PKMYT1: variants seen among roughly 807,000 people sequenced by gnomAD.
The protein encoded by PKMYT1 is protein kinase, membrane associated tyrosine/threonine 1, also known as membrane-associated tyrosine- and threonine-specific cdc2-inhibitory kinase.
In PKMYT1, 35 loss-of-function variants were observed where a neutral mutation model predicts 49.7. That is an observed-to-expected ratio of 0.70 (90% CI 0.54 to 0.93). PKMYT1 has a LOEUF of 0.93. Ranked by LOEUF, PKMYT1 falls within the 40% of genes least tolerant of loss-of-function variation. The probability of loss-of-function intolerance (pLI) is 0.00; values close to 1 mark genes in which losing one functional copy is unlikely to be tolerated. For synonymous variants in PKMYT1, 331 were observed against 287.6 expected (o/e 1.15, Z -1.53); for missense variants, 677 against 673.1 (o/e 1.01, Z -0.06).
Position 2,976,706 on chromosome 16 carries a change from C to T in PKMYT1, c.336G>A (p.Arg112=). ...AGGAGCCATGGCCCAGGCGGCTGAG[C>T]CTCTGGAAGCTCTGCTGGAAGAAGG... ...PESFFQQSFQ[R]LSRLGHGSYG... is the part of the protein sequence containing the mutation. Residue 112 remains arginine, a synonymous_variant, in exon 3 of 9, where the codon AGG becomes AGA. Transcript: ENST00000262300. 1 of 1,490,188 alleles carries T rather than the reference C, an allele frequency of 6.7e-7. No homozygotes were observed. The highest frequency in any genetic ancestry group is 1.4e-5 in the South Asian group (1 of 70,238). 92.3% of individuals were successfully genotyped at this position (1,490,188 alleles called of 1,614,324 possible).
intron 2 of PKMYT1, chr16:2,979,360 AAAATT>A (rs1360425123): frequency 5.8e-6 from 2 of 345,056 alleles, no homozygotes; most frequent in East Asian, 9.1e-5. Flanking sequence ...TAGTAAATAA[AAAATT>A]AAAAAGAGCA....
At chr16:2,977,181 C>T in intron 2 of PKMYT1, 150 bp from the exon 3 acceptor site, 1 of 1,468,120 alleles carries the variant, frequency 6.8e-7, no homozygotes, top group South Asian at 1.3e-5. Context: ...TAAGCACCTA[C>T]CAAGAAAAGG....
intron 2 of PKMYT1, 100 bp from the exon 3 acceptor site, chr16:2,977,131 T>C: frequency 1.3e-6 from 2 of 1,540,810 alleles, no homozygotes; most frequent in Non-Finnish European, 1.7e-6. Flanking sequence ...GCTATGTCTA[T>C]ACCACACACT....
At position 2,976,996 on chromosome 16, in the gene PKMYT1, C is replaced by T. The variant is rs1244577916; in HGVS notation, c.46G>A (p.Gly16Ser). The change falls in exon 3 of 9, where the codon GGC becomes AGC. Residue 16 changes from glycine (G) to serine (S), a missense_variant. By Grantham distance (56) the Gly-to-Ser change is moderately conservative. Transcript: ENST00000262300. ...PALAMPMPTE[G>S]TPPPLSGTPI... ...GTGCCACTCAGAGGTGGCGGGGTGC[C>T]CTCCGTGGGCATGGGCATGGCCAGT... is the stretch of plus-strand genomic sequence containing the variant. The T allele has an allele frequency of 6.4e-7, 1 of 1,573,562 alleles. No homozygotes were observed. The highest frequency in any genetic ancestry group is 8.6e-7 in the Non-Finnish European group (1 of 1,161,826).
chr16:2,979,852 G>A lies in PKMYT1; in HGVS notation c.-195C>T, dbSNP rs1287307732. 6.4e-6 allele frequency: 4 copies of A among 627,726 alleles called. No homozygotes were observed. Among genetic ancestry groups the A allele is most frequent in the Non-Finnish European group, 1.1e-5 (4 of 353,020 alleles). 38.9% of individuals were successfully genotyped at this position (627,726 alleles called of 1,614,324 possible). ...CATCTGCTGGCCACCTTTCCCGGTA[G>A]ACGGTAAGTTCCTCCCAGGCAGGGC... On this transcript the variant is annotated 5_prime_UTR_variant, in exon 2 of 9. Coordinates refer to ENST00000262300, the MANE Select transcript of PKMYT1 (RefSeq NM_004203.5).
chr16:2,978,401 G>A (rs2072255758), intron 2 of PKMYT1, among the ~76,000 whole-genome samples: 1 of 152,140 alleles, frequency 6.6e-6, no homozygotes, highest in Non-Finnish European at 1.5e-5. Context: ...CCTGCCTGCT[G>A]TCAGAACAAA....
intron 4 of PKMYT1, 104 bp from the exon 5 acceptor site, chr16:2,974,760 T>C: frequency 1.4e-6 from 1 of 720,758 alleles, no homozygotes; most frequent in Non-Finnish European, 2.4e-6. Context: ...GCTGCTGTCT[T>C]CATCAGTCAG....
chr16:2,979,214 A>G (rs2072278456), intron 2 of PKMYT1, among the ~76,000 whole-genome samples: 1 of 152,078 alleles, frequency 6.6e-6, no homozygotes. Flanking sequence ...GCATGCCTGT[A>G]GTCCCAGCTA....
chr16:2,974,267 C>A lies in PKMYT1; in HGVS notation c.1130G>T (p.Ser377Ile), dbSNP rs1225909255. ...VLWCMAAEAL[S>I]RGWALWQALL... ...TACCTGCCACAGGGCCCACCCTCGG[C>A]TCAGGGCCTCCGCTGCCATGCACCA... The change falls in exon 6 of 9, where the codon AGC becomes ATC. Residue 377 changes from serine (S) to isoleucine (I), a missense_variant. Physicochemically the swap from Ser to Ile is moderately radical, Grantham distance 142 (BLOSUM62 -2). Transcript: ENST00000262300. The A allele has an allele frequency of 1.9e-6, 3 of 1,571,360 alleles. No individual in the cohort carries two copies. Among genetic ancestry groups the A allele is most frequent in the South Asian group, 1.2e-5 (1 of 86,742 alleles).
In PKMYT1 at chr16:2,979,814, AC is replaced by A; in HGVS notation, c.-158del. 1 of 756,078 alleles carries A rather than the reference AC, an allele frequency of 1.3e-6. No homozygotes were observed. The highest frequency in any genetic ancestry group is 2.2e-6 in the Non-Finnish European group (1 of 453,124). 46.8% of individuals were successfully genotyped at this position (756,078 alleles called of 1,614,324 possible). A position where few individuals can be genotyped will look rare whatever the true frequency, so the allele number is the denominator to read the frequency against. On this transcript the variant is annotated 5_prime_UTR_variant, in exon 2 of 9. An upstream open reading frame in the 5' UTR loses its in-frame stop. Coordinates refer to ENST00000262300, the MANE Select transcript of PKMYT1 (RefSeq NM_004203.5). ...TCGGGCCGTCTCGCCTCACCCTCTC[AC>A]CAGGCCCGACACATCTGCTGGCCAC... is the stretch of plus-strand genomic sequence containing the variant.
chr16:2,976,991 G>A lies in PKMYT1; in HGVS notation c.51C>T (p.Thr17=), dbSNP rs1203800861. The change falls in exon 3 of 9, where the codon ACC becomes ACT. Residue 17 remains threonine, a synonymous_variant. Coordinates refer to ENST00000262300, the MANE Select transcript of PKMYT1 (RefSeq NM_004203.5). ...TGGGGGTGCCACTCAGAGGTGGCGG[G>A]GTGCCCTCCGTGGGCATGGGCATGG... The part of the protein sequence containing the change: ...ALAMPMPTEG[T]PPPLSGTPIP... The A allele has an allele frequency of 1.4e-5, 22 of 1,570,610 alleles. No homozygotes were observed. Among genetic ancestry groups the A allele is most frequent in the Non-Finnish European group, 1.9e-5 (22 of 1,159,622 alleles).
At chr16:2,977,863 C>T (rs557432379) in intron 2 of PKMYT1, among the ~76,000 whole-genome samples, 10 of 152,262 alleles carry the variant, frequency 6.6e-5, no homozygotes, top group Non-Finnish European at 1.5e-4. Context: ...ACCCTCCCAG[C>T]TCCACATGGC....
At chr16:2,978,972 A>C (rs892502821) in intron 2 of PKMYT1, among the ~76,000 whole-genome samples, 9 of 151,384 alleles carry the variant, frequency 5.9e-5, no homozygotes, top group Non-Finnish European at 1.2e-4. Flanking sequence ...ACACTAGAAT[A>C]ATTTTTATAT....
chr16:2,975,678 C>T lies in PKMYT1; in HGVS notation c.513G>A (p.Val171=). ...HEKVGQHPCC[V]RLEQAWEEGG... Reference sequence around the variant, plus strand: ...CCTCCTCCCAGGCCTGCTCCAGCCGCACGCAGCATGGGTGCTGCCCCACCT... The same window carrying T: ...CCTCCTCCCAGGCCTGCTCCAGCCGTACGCAGCATGGGTGCTGCCCCACCT... The change falls in exon 4 of 9, where the codon GTG becomes GTA. Residue 171 remains valine, a synonymous_variant. Transcript: ENST00000262300. 1 of 1,610,516 alleles carries T rather than the reference C, an allele frequency of 6.2e-7. No individual in the cohort carries two copies. Among genetic ancestry groups the T allele is most frequent in the Non-Finnish European group, 8.5e-7 (1 of 1,179,868 alleles).
chr16:2,974,552 G>T lies in PKMYT1; in HGVS notation c.977C>A (p.Ala326Asp). Reference sequence around the variant, plus strand: ...CCCTCCCGCCCTCACCTACTCACCGGCAGTGAACTCAGGGGGCAGGTAGCC... The same window carrying T: ...CCCTCCCGCCCTCACCTACTCACCGTCAGTGAACTCAGGGGGCAGGTAGCC... ...RQGYLPPEFTAGLSSELRSVL... is the reference protein window; with the variant it reads ...RQGYLPPEFTDGLSSELRSVL... Residue 326 changes from alanine to aspartate, a missense_variant and splice_region_variant, in exon 5 of 9, where the codon GCC becomes GAC. By Grantham distance (126) the Ala-to-Asp change is moderately radical (BLOSUM62 -2). Transcript: ENST00000262300. 2 of 1,568,198 alleles carry T rather than the reference G, an allele frequency of 1.3e-6. No individual in the cohort carries two copies. Among genetic ancestry groups the T allele is most frequent in the East Asian group, 4.6e-5 (2 of 43,516 alleles).
rs1012928303 is a variant in PKMYT1, at chr16:2,976,908, C to T, written c.134G>A (p.Arg45Lys). The T allele has an allele frequency of 6.5e-7, 1 of 1,542,874 alleles. No individual in the cohort carries two copies. The highest frequency in any genetic ancestry group is 8.8e-7 in the Non-Finnish European group (1 of 1,140,238). The change falls in exon 3 of 9, where the codon AGG becomes AAG. Residue 45 changes from arginine to lysine, a missense_variant. By Grantham distance (26) the Arg-to-Lys change is conservative (BLOSUM62 2). Coordinates refer to ENST00000262300, the MANE Select transcript of PKMYT1 (RefSeq NM_004203.5). ...AEPGFSLKRPRGLSRSLPPPP... is the reference protein window; with the variant it reads ...AEPGFSLKRPKGLSRSLPPPP... The stretch of plus-strand genomic sequence containing the variant: ...AGGTGGGAGGCTCCGGCTGAGCCCC[C>T]TGGGCCTCTTGAGGGAGAATCCAGG...
At chr16:2,973,634 C>T (rs1019257920) in intron 7 of PKMYT1, 102 of 449,118 alleles carry the variant, frequency 2.3e-4, no homozygotes, top group African/African-American at 1.9e-3. Flanking sequence ...GACACCAGGC[C>T]CCAGGGACCA....
chr16:2,976,865 G>A lies in PKMYT1; in HGVS notation c.177C>T (p.Gly59=). ...GGAAGAGGCGGCTGATGGGAATGCT[G>A]CCCTTGGCAGGGGGCGGAGGTGGGA... is the stretch of plus-strand genomic sequence containing the variant. ...RSLPPPPPAK[G]SIPISRLFPP... The change falls in exon 3 of 9, where the codon GGC becomes GGT. Residue 59 remains glycine (G), a synonymous_variant. Transcript: ENST00000262300. 6.5e-7 allele frequency: 1 copy of A among 1,532,742 alleles called. No individual in the cohort carries two copies. Among genetic ancestry groups the A allele is most frequent in the Non-Finnish European group, 8.8e-7 (1 of 1,134,924 alleles). 94.9% of individuals were successfully genotyped at this position (1,532,742 alleles called of 1,614,324 possible). A position where few individuals can be genotyped will look rare whatever the true frequency, so the allele number is the denominator to read the frequency against.
At chr16:2,975,995 G>T (rs2072181041) in intron 3 of PKMYT1, 183 bp from the exon 4 acceptor site, 1 of 682,728 alleles carries the variant, frequency 1.5e-6, no homozygotes, top group Non-Finnish European at 2.4e-6. Context: ...CATCCCTCGG[G>T]CTGGGTCTGT....
Sources: allele counts gnomAD v4.1 joint callset (sites outside exome capture counted in the v4.1 genomes callset), GRCh38; gene constraint gnomAD v4.1.1; transcripts MANE v1.5; gene names NCBI Gene and HGNC (gene_info 2026-07-23, HGNC 2026-07-21).